Variants in PTPRT observed in about 807,000 individuals in gnomAD.
PTPRT encodes the protein receptor-type tyrosine-protein phosphatase T.
In PTPRT, 56 loss-of-function variants were observed where a neutral mutation model predicts 176.8. The ratio of observed to expected loss-of-function variants is 0.32; its 90% CI spans 0.26 to 0.40. The LOEUF (loss-of-function observed/expected upper bound fraction) is 0.40. PTPRT is among the 10% of genes least tolerant of loss of function. The pLI, the probability that PTPRT is intolerant of heterozygous loss-of-function variation, is 1.00. For synonymous variants in PTPRT, 783 were observed against 739.0 expected, an observed-to-expected ratio of 1.06 and a Z score of -0.96; for missense variants, 1,540 against 1,908.2, an observed-to-expected ratio of 0.81 and a Z score of 3.60.
At position 42,388,069 on chromosome 20, in the gene PTPRT, G is replaced by A. The variant is rs567615948; in HGVS notation, c.1561-35784C>T. On this transcript the variant is annotated intron_variant, in intron 9 of 30. Transcript: ENST00000373187. ...CTCCCAAAGTGCTGGGATTACAGGC[G>A]TGAGTCACCACGCCTGGCCCAGGGA... 1.4e-4 allele frequency among the ~76,000 whole-genome samples: 21 copies of A among 152,274 alleles called. No homozygotes were observed. In the Middle Eastern group the frequency reaches 0.01, roughly 74 times the overall value.
At chr20:42,111,436 G>A (rs73271485) in intron 22 of PTPRT, among the ~76,000 whole-genome samples, 1,620 of 152,278 alleles carry the variant, frequency 0.011, 27 homozygotes, top group African/African-American at 0.037. Flanking sequence ...TGGCCTTGTC[G>A]GGGAGGCAGA....
At chr20:42,263,455 G>A (rs1251637064) in intron 13 of PTPRT, among the ~76,000 whole-genome samples, 4 of 135,496 alleles carry the variant, frequency 3.0e-5, no homozygotes, top group African/African-American at 1.1e-4. Flanking sequence ...ATCTCGGCTC[G>A]CTGCAACCTC....
At chr20:42,938,760 A>G (rs1980365201) in intron 1 of PTPRT, among the ~76,000 whole-genome samples, 1 of 152,194 alleles carries the variant, frequency 6.6e-6, no homozygotes, top group African/African-American at 2.4e-5. Flanking sequence ...CTGAAAGTCT[A>G]TAGTGTTTCA....
At chr20:42,031,919 T>C in the PTPRT span, among the ~76,000 whole-genome samples, 24 of 152,198 alleles carry the variant, frequency 1.6e-4, no homozygotes, top group Non-Finnish European at 2.1e-4. Context: ...CAGTTCTAAG[T>C]ACTTTGTAAA....
At chr20:42,205,755 TAA>T (rs1308687643) in intron 15 of PTPRT, among the ~76,000 whole-genome samples, 1 of 152,022 alleles carries the variant, frequency 6.6e-6, no homozygotes, top group Non-Finnish European at 1.5e-5. Context: ...AATCTCCAGA[TAA>T]ACTTTCCTGG....
At chr20:42,507,287 T>G (rs990093809) in intron 7 of PTPRT, among the ~76,000 whole-genome samples, 2 of 152,052 alleles carry the variant, frequency 1.3e-5, no homozygotes, top group African/African-American at 4.8e-5. Context: ...TCTAATTATA[T>G]GTGGACCCAA....
At chr20:42,850,847 C>G (rs2078455946) in intron 2 of PTPRT, among the ~76,000 whole-genome samples, 6 of 152,186 alleles carry the variant, frequency 3.9e-5, no homozygotes, top group Admixed American at 2.6e-4. Flanking sequence ...AAGAGCAGCC[C>G]TTGGACCAGT....
chr20:43,079,371 G>C (rs76195756), intron 1 of PTPRT, among the ~76,000 whole-genome samples: 4 of 151,986 alleles, frequency 2.6e-5, no homozygotes, highest in Admixed American at 2.6e-4. Flanking sequence ...TTTTCTTTAA[G>C]TAGTTACTCA....
Position 42,874,776 on chromosome 20 carries a change from T to C in PTPRT, c.214+11031A>G, listed in dbSNP as rs115528981. On this transcript the variant is annotated intron_variant, in intron 2 of 30. Transcript: ENST00000373187. ...TGAAGTATTAAACGATGTAAAAACATGTAAAGCCCTTAGAACACTGTCCAG... is the reference window on the plus strand; with the variant it reads ...TGAAGTATTAAACGATGTAAAAACACGTAAAGCCCTTAGAACACTGTCCAG... 6.6e-3 allele frequency among the ~76,000 whole-genome samples: 1,010 copies of C among 152,310 alleles called. 12 individuals carry two copies. The highest frequency in any genetic ancestry group is 0.022 in the African/African-American group (915 of 41,574).
intron 2 of PTPRT, among the ~76,000 whole-genome samples, chr20:42,839,909 T>A (rs2078247588): frequency 6.6e-6 from 1 of 152,206 alleles, no homozygotes; most frequent in Non-Finnish European, 1.5e-5. Context: ...ACAATGAGAC[T>A]TTTTAGACAA....
At chr20:43,009,169 T>C (rs1256555978) in intron 1 of PTPRT, among the ~76,000 whole-genome samples, 3 of 152,166 alleles carry the variant, frequency 2.0e-5, no homozygotes, top group Non-Finnish European at 4.4e-5. Context: ...AGCTGCCACG[T>C]TTCTTCCCCA....
At chr20:42,787,218 T>C (rs1482569222) in intron 3 of PTPRT, among the ~76,000 whole-genome samples, 1 of 152,186 alleles carries the variant, frequency 6.6e-6, no homozygotes. Flanking sequence ...TGTCTATGGA[T>C]AGGAAGACTA....
intron 6 of PTPRT, among the ~76,000 whole-genome samples, chr20:42,749,205 T>C (rs2076734590): frequency 6.6e-6 from 1 of 152,122 alleles, no homozygotes; most frequent in South Asian, 2.1e-4. Context: ...GCCCCTAGAC[T>C]ACTACAGGAT....
In PTPRT at chr20:42,075,280, A is replaced by C. The variant is rs910422855; in HGVS notation, c.*5599T>G. On this transcript the variant is annotated 3_prime_UTR_variant, in exon 31 of 31. Transcript: ENST00000373187. Reference sequence around the variant, plus strand: ...AGCTCAGACTGTTAAGTAATGGGGAAGCCAAGTCAGGGATTTGAGATGACA... The same window carrying C: ...AGCTCAGACTGTTAAGTAATGGGGACGCCAAGTCAGGGATTTGAGATGACA... 1 of 234,710 alleles carries C rather than the reference A, an allele frequency of 4.3e-6. No homozygotes were observed. Among genetic ancestry groups the C allele is most frequent in the Non-Finnish European group, 8.4e-6 (1 of 119,166 alleles). The allele number at this position is 234,710 out of a possible 1,614,324, so 14.5% of individuals were successfully genotyped here.
chr20:42,420,433 A>G (rs953692485), intron 9 of PTPRT, among the ~76,000 whole-genome samples: 2 of 152,164 alleles, frequency 1.3e-5, no homozygotes, highest in East Asian at 3.9e-4. Flanking sequence ...TGCAAACAAA[A>G]TGCATGCTTG....
At chr20:42,877,434 G>A (rs2078951735) in intron 2 of PTPRT, among the ~76,000 whole-genome samples, 1 of 152,142 alleles carries the variant, frequency 6.6e-6, no homozygotes, top group African/African-American at 2.4e-5. Flanking sequence ...CACAATGAGA[G>A]ATACCCCAAA....
intron 26 of PTPRT, among the ~76,000 whole-genome samples, chr20:42,099,185 T>A (rs1985612249): frequency 6.9e-6 from 1 of 145,592 alleles, no homozygotes; most frequent in Admixed American, 6.7e-5. Flanking sequence ...TATTCATTCA[T>A]CCATTCATCC....
chr20:42,550,661 C>A (rs907812320), intron 7 of PTPRT, among the ~76,000 whole-genome samples: 1 of 151,956 alleles, frequency 6.6e-6, no homozygotes, highest in Non-Finnish European at 1.5e-5. Context: ...TATTGCATTG[C>A]GGGGCTAAGC....
At chr20:42,840,213 C>A (rs1303104023) in intron 2 of PTPRT, among the ~76,000 whole-genome samples, 1 of 86,920 alleles carries the variant, frequency 1.2e-5, no homozygotes, top group African/African-American at 3.8e-5. Flanking sequence ...CCCATCTCTG[C>A]CTGCGTTGTC....
Sources: allele counts gnomAD v4.1 joint callset (sites outside exome capture counted in the v4.1 genomes callset), GRCh38; gene constraint gnomAD v4.1.1; transcripts MANE v1.5; gene names NCBI Gene and HGNC (gene_info 2026-07-23, HGNC 2026-07-21).